The following GALNT10 variants were observed in gnomAD, a reference collection of about 807,000 sequenced individuals.
The protein encoded by GALNT10 is GalNAc transferase 10.
In GALNT10, 41 loss-of-function variants were observed where a neutral mutation model predicts 75.0. The observed-to-expected ratio is 0.55, with a 90% CI of 0.43 to 0.71. GALNT10 has a LOEUF of 0.71. Among genes scored for constraint, GALNT10 ranks in the 30% least tolerant of loss-of-function variants. The probability of loss-of-function intolerance (pLI) is 0.00; values close to 1 mark genes in which losing one functional copy is unlikely to be tolerated. For synonymous variants in GALNT10, 302 were observed against 313.0 expected (o/e 0.96, Z 0.37); for missense variants, 727 against 818.5 (o/e 0.89, Z 1.36).
rs192637093 is a variant in GALNT10 at position 154,418,714 on chromosome 5, G to A, written c.*1742G>A. 18 of 152,304 alleles carry A rather than the reference G, an allele frequency of 1.2e-4. No homozygotes were observed. The highest frequency in any genetic ancestry group is 1.2e-3 in the Admixed American group (18 of 15,302). 9.4% of individuals were successfully genotyped at this position (152,304 alleles called of 1,614,324 possible). Reference sequence around the variant, plus strand: ...CAGTCAGACTGAATGTGTAGCTGGCGAGGAATTACTTCCACTTCTGGCCCA... The same window carrying A: ...CAGTCAGACTGAATGTGTAGCTGGCAAGGAATTACTTCCACTTCTGGCCCA... On this transcript the variant is annotated 3_prime_UTR_variant, in exon 12 of 12. Transcript: ENST00000297107.
chr5:154,250,303 G>A (rs1309691698), intron 1 of GALNT10, among the ~76,000 whole-genome samples: 6 of 152,098 alleles, frequency 3.9e-5, no homozygotes, highest in African/African-American at 1.4e-4. Context: ...AATTGTCTAG[G>A]TGGGCTTTTA....
At chr5:154,303,033 A>G (rs1185954488) in intron 3 of GALNT10, among the ~76,000 whole-genome samples, 1 of 152,206 alleles carries the variant, frequency 6.6e-6, no homozygotes, top group East Asian at 1.9e-4. Flanking sequence ...CAATTGGAAC[A>G]TACACATAGG....
chr5:154,337,536 T>A, intron 4 of GALNT10: 1 of 747,656 alleles, frequency 1.3e-6, no homozygotes, highest in Non-Finnish European at 2.4e-6. Flanking sequence ...GTTTCATGGT[T>A]TGGCGAAGTA....
intron 1 of GALNT10, among the ~76,000 whole-genome samples, chr5:154,281,205 C>T (rs1004883174): frequency 3.3e-5 from 5 of 152,164 alleles, no homozygotes; most frequent in African/African-American, 1.2e-4. Context: ...CATGACATAT[C>T]TCTCCATTTA....
At chr5:154,215,276 A>T (rs1752847742) in intron 1 of GALNT10, among the ~76,000 whole-genome samples, 1 of 152,042 alleles carries the variant, frequency 6.6e-6, no homozygotes, top group Non-Finnish European at 1.5e-5. Flanking sequence ...AAGTCAAGAG[A>T]TTGAGACCAT....
chr5:154,296,357 A>G (rs916320739), intron 2 of GALNT10, among the ~76,000 whole-genome samples: 1 of 152,124 alleles, frequency 6.6e-6, no homozygotes, highest in African/African-American at 2.4e-5. Flanking sequence ...CGGCCTTCCA[A>G]AGTGCTGGGA....
chr5:154,213,712 G>T (rs1752817309), intron 1 of GALNT10, among the ~76,000 whole-genome samples: 1 of 152,128 alleles, frequency 6.6e-6, no homozygotes, highest in African/African-American at 2.4e-5. Context: ...ACCCCCGGTT[G>T]CTGGGACTAT....
intron 1 of GALNT10, among the ~76,000 whole-genome samples, chr5:154,227,728 C>T (rs898182708): frequency 7.9e-5 from 12 of 151,464 alleles, no homozygotes; most frequent in African/African-American, 2.9e-4. Context: ...ATGTCTTTGC[C>T]TAACCATAAG....
intron 4 of GALNT10, chr5:154,337,620 G>A: frequency 2.2e-6 from 2 of 893,658 alleles, no homozygotes; most frequent in Non-Finnish European, 3.7e-6. Flanking sequence ...AAAATTTGAA[G>A]ACTGATAGTT....
At chr5:154,272,305 T>G (rs914081886) in intron 1 of GALNT10, among the ~76,000 whole-genome samples, 1 of 152,216 alleles carries the variant, frequency 6.6e-6, no homozygotes, top group Non-Finnish European at 1.5e-5. Flanking sequence ...CGGTAGTGGC[T>G]TAAACTCCAG....
intron 1 of GALNT10, among the ~76,000 whole-genome samples, chr5:154,210,607 A>G (rs1435583713): frequency 6.6e-5 from 10 of 152,236 alleles, no homozygotes; most frequent in Admixed American, 6.5e-4. Context: ...TTAAACTGTA[A>G]GTGTTATAGG....
At position 154,190,971 on chromosome 5, in the gene GALNT10, G is replaced by A. The variant is rs1345579757; in HGVS notation, c.105G>A (p.Gln35=). Residue 35 remains glutamine (Q), a synonymous_variant, in exon 1 of 12, where the codon CAG becomes CAA. Transcript: ENST00000297107. Reference sequence around the variant, plus strand: ...TTTGGGCGCTGTACCGCGAGCGGCAGCCCGACGGCACCCCTGGGGGATCGG... The same window carrying A: ...TTTGGGCGCTGTACCGCGAGCGGCAACCCGACGGCACCCCTGGGGGATCGG... The part of the protein sequence containing the change: ...VGLWALYRER[Q]PDGTPGGSGA... 24 of 1,508,156 alleles carry A rather than the reference G, an allele frequency of 1.6e-5. No homozygotes were observed. The highest frequency in any genetic ancestry group is 2.0e-5 in the Admixed American group (1 of 49,498). The allele number at this position is 1,508,156 out of a possible 1,614,324, so 93.4% of individuals were successfully genotyped here.
intron 1 of GALNT10, among the ~76,000 whole-genome samples, chr5:154,211,240 G>A (rs1561629849): frequency 6.6e-6 from 1 of 152,212 alleles, no homozygotes; most frequent in Non-Finnish European, 1.5e-5. Flanking sequence ...GGGTGGCCCT[G>A]GGGCTGGGGA....
chr5:154,310,031 T>G (rs929434803), intron 3 of GALNT10, among the ~76,000 whole-genome samples: 5 of 152,210 alleles, frequency 3.3e-5, no homozygotes, highest in Admixed American at 6.5e-5. Context: ...GTGGTCAGCG[T>G]TCAGGTTATG....
chr5:154,315,212 A>G (rs903397230), intron 3 of GALNT10, among the ~76,000 whole-genome samples: 11 of 152,244 alleles, frequency 7.2e-5, no homozygotes, highest in Non-Finnish European at 1.3e-4. Flanking sequence ...ACAGATTTAG[A>G]GATAGGACAG....
chr5:154,387,857 A>G (rs1247880465), intron 7 of GALNT10: 1 of 147,530 alleles, frequency 6.8e-6, no homozygotes, highest in Non-Finnish European at 1.5e-5. Flanking sequence ...TTTTGATGTT[A>G]TTTAGGTTTG....
chr5:154,217,856 G>T lies in GALNT10; in HGVS notation c.159+26831G>T, dbSNP rs1041735281. On this transcript the variant is annotated intron_variant, in intron 1 of 11. Transcript: ENST00000297107. ...GGAGAGGGCTTGTGCCTTGCACATT[G>T]TAAGAGCTCAAAAATAGCTATTAAT... 3.3e-5 allele frequency: 8 copies of T among 244,712 alleles called. No homozygotes were observed. The Admixed American group carries it at 3.9e-4, about 12-fold the overall frequency. 15.2% of individuals were successfully genotyped at this position (244,712 alleles called of 1,614,324 possible).
At chr5:154,314,612 G>C (rs539626851) in intron 3 of GALNT10, among the ~76,000 whole-genome samples, 10 of 152,006 alleles carry the variant, frequency 6.6e-5, no homozygotes, top group African/African-American at 2.4e-4. Flanking sequence ...AGATGCTGGC[G>C]TCTGCCTATC....
At chr5:154,304,444 A>G (rs1754402188) in intron 3 of GALNT10, among the ~76,000 whole-genome samples, 2 of 152,214 alleles carry the variant, frequency 1.3e-5, no homozygotes, top group South Asian at 4.1e-4. Context: ...AACAGTACAA[A>G]GAAGAATATG....
Sources: allele counts gnomAD v4.1 joint callset (sites outside exome capture counted in the v4.1 genomes callset), GRCh38; gene constraint gnomAD v4.1.1; transcripts MANE v1.5; gene names NCBI Gene and HGNC (gene_info 2026-07-23, HGNC 2026-07-21).